The following TRHDE variants were observed in gnomAD, a reference collection of about 807,000 sequenced individuals.
The protein encoded by TRHDE is thyrotropin-releasing hormone-degrading ectoenzyme.
TRHDE carries 72 observed loss-of-function variants against 125.7 expected under a neutral mutation model. The observed-to-expected ratio is 0.57, with a 90% CI of 0.47 to 0.70. The LOEUF (loss-of-function observed/expected upper bound fraction) is 0.70. Among genes scored for constraint, TRHDE ranks in the 30% least tolerant of loss-of-function variants. TRHDE has a pLI of 0.00. For synonymous variants in TRHDE, 509 were observed against 509.1 expected, an observed-to-expected ratio of 1.00 and a Z score of 0.00; for missense variants, 1,110 against 1,327.1, an observed-to-expected ratio of 0.84 and a Z score of 2.54.
chr12:72,474,072 A>G (rs991938373), intron 5 of TRHDE, among the ~76,000 whole-genome samples: 10 of 152,108 alleles, frequency 6.6e-5, no homozygotes, highest in South Asian at 2.1e-4. Flanking sequence ...ATATATACAC[A>G]TACATATATG....
At chr12:72,364,416 T>C (rs780787975) in intron 2 of TRHDE, among the ~76,000 whole-genome samples, 3 of 152,076 alleles carry the variant, frequency 2.0e-5, no homozygotes, top group South Asian at 2.1e-4. Context: ...TGAAAACTTA[T>C]TATTTAACAT....
chr12:72,100,243 G>C (rs1051004701), intron 1 of TRHDE, among the ~76,000 whole-genome samples: 1 of 152,004 alleles, frequency 6.6e-6, no homozygotes, highest in Non-Finnish European at 1.5e-5. Context: ...CTTTTTATGA[G>C]GATTAAATGA....
At chr12:72,381,513 A>C (rs1000411994) in intron 3 of TRHDE, among the ~76,000 whole-genome samples, 20 of 148,416 alleles carry the variant, frequency 1.3e-4, no homozygotes, top group African/African-American at 5.0e-4. Flanking sequence ...CTCCTGCCTC[A>C]GCCTCCCAAG....
At chr12:72,214,296 A>G (rs146949730) in intron 2 of TRHDE, among the ~76,000 whole-genome samples, 7 of 152,312 alleles carry the variant, frequency 4.6e-5, no homozygotes, top group African/African-American at 1.2e-4. Context: ...CTATTCCAGG[A>G]TAATTTGACT....
rs55800660 is a variant in TRHDE at position 72,371,335 on chromosome 12, A to G, written c.1189-6660A>G. Among the ~76,000 whole-genome samples the G allele has an allele frequency of 8.0e-3, 1,200 of 150,790 alleles. 24 individuals carry two copies. The highest frequency in any genetic ancestry group is 0.028 in the African/African-American group (1,128 of 40,902). On this transcript the variant is annotated intron_variant, in intron 2 of 18. Coordinates refer to ENST00000261180, the MANE Select transcript of TRHDE (RefSeq NM_013381.3). Reference sequence around the variant, plus strand: ...CAAAGTTGTATCTAGTAGGCATTTGAGAGGCAAACTGAACAAAATATTTCG... The same window carrying G: ...CAAAGTTGTATCTAGTAGGCATTTGGGAGGCAAACTGAACAAAATATTTCG...
chr12:72,596,997 T>C (rs1871968708), intron 12 of TRHDE, among the ~76,000 whole-genome samples: 2 of 152,324 alleles, frequency 1.3e-5, no homozygotes, highest in South Asian at 4.1e-4. Context: ...ATATACAAAT[T>C]GTGGCTATAC....
chr12:72,117,232 T>C (rs1481319036), intron 2 of TRHDE, among the ~76,000 whole-genome samples: 1 of 152,180 alleles, frequency 6.6e-6, no homozygotes, highest in Non-Finnish European at 1.5e-5. Flanking sequence ...AGGTTTTTAA[T>C]CCATTTTGAT....
intron 2 of TRHDE, among the ~76,000 whole-genome samples, chr12:72,217,165 A>G (rs755397347): frequency 6.6e-6 from 1 of 152,194 alleles, no homozygotes; most frequent in African/African-American, 2.4e-5. Flanking sequence ...AAATGAAGGT[A>G]TAGGAACAGG....
rs572094533 is a variant in TRHDE at position 72,570,578 on chromosome 12, C to CAAAA, written c.2131+1946_2131+1949dup. Among the ~76,000 whole-genome samples the CAAAA allele has an allele frequency of 2.6e-4, 15 of 58,458 alleles. 1 individual carries two copies. The highest frequency in any genetic ancestry group is 8.0e-4 in the South Asian group (1 of 1,246). The allele number at this position is 58,458 out of a possible 152,430, so 38.4% of individuals were successfully genotyped here. ...CCTGAGTGAGAGAGAGAGACTGTCTCAAAAAAAAAAAAAAAAAAAAAAAAA... is the reference window on the plus strand; with the variant it reads ...CCTGAGTGAGAGAGAGAGACTGTCTCAAAAAAAAAAAAAAAAAAAAAAAAAAAAA... On this transcript the variant is annotated intron_variant, in intron 10 of 18. Coordinates refer to ENST00000261180, the MANE Select transcript of TRHDE (RefSeq NM_013381.3).
chr12:72,397,291 CT>C (rs1186061738), intron 3 of TRHDE, among the ~76,000 whole-genome samples: 1 of 152,190 alleles, frequency 6.6e-6, no homozygotes, highest in African/African-American at 2.4e-5. Context: ...CACATTTTCG[CT>C]GCTATTCCAA....
intron 9 of TRHDE, among the ~76,000 whole-genome samples, chr12:72,564,736 C>T (rs1870356934): frequency 7.9e-6 from 1 of 126,950 alleles, no homozygotes; most frequent in Admixed American, 9.9e-5. Flanking sequence ...GACGCGATCT[C>T]GGCTCACTGC....
At chr12:72,226,609 T>G (rs1366352988) in intron 2 of TRHDE, among the ~76,000 whole-genome samples, 1 of 152,212 alleles carries the variant, frequency 6.6e-6, no homozygotes, top group Non-Finnish European at 1.5e-5. Context: ...GCCTCATTGC[T>G]GATTTGTGAA....
intron 3 of TRHDE, among the ~76,000 whole-genome samples, chr12:72,467,810 A>G (rs1876456400): frequency 2.0e-5 from 3 of 152,214 alleles, no homozygotes; most frequent in East Asian, 1.9e-4. Flanking sequence ...GCGAGACTCC[A>G]TCTCAAACAA....
At chr12:72,153,032 T>G (rs1258425301) in intron 2 of TRHDE, among the ~76,000 whole-genome samples, 1 of 152,118 alleles carries the variant, frequency 6.6e-6, no homozygotes, top group Admixed American at 6.5e-5. Flanking sequence ...GTCCTGGACT[T>G]TTTTTGGTTG....
At chr12:72,396,163 A>G (rs1872780949) in intron 3 of TRHDE, among the ~76,000 whole-genome samples, 1 of 152,206 alleles carries the variant, frequency 6.6e-6, no homozygotes, top group African/African-American at 2.4e-5. Flanking sequence ...CAACTAAATT[A>G]TCTTTAAACA....
At chr12:72,225,665 T>C (rs1043637033) in intron 2 of TRHDE, among the ~76,000 whole-genome samples, 15 of 152,204 alleles carry the variant, frequency 9.9e-5, no homozygotes, top group African/African-American at 3.6e-4. Context: ...TTTCCTTCTG[T>C]TTATAATCAC....
At chr12:72,543,883 A>C (rs1465793432) in intron 7 of TRHDE, among the ~76,000 whole-genome samples, 5 of 150,002 alleles carry the variant, frequency 3.3e-5, no homozygotes, top group Non-Finnish European at 3.0e-5. Flanking sequence ...AAAATATATC[A>C]ATTTTTAATA....
chr12:72,480,832 T>A (rs1307660247), intron 5 of TRHDE, among the ~76,000 whole-genome samples: 2 of 152,128 alleles, frequency 1.3e-5, no homozygotes, highest in Non-Finnish European at 2.9e-5. Context: ...AAAAAATTGA[T>A]AATGCCAAAA....
intron 2 of TRHDE, among the ~76,000 whole-genome samples, chr12:72,344,639 A>G (rs1870231225): frequency 6.6e-6 from 1 of 152,116 alleles, no homozygotes; most frequent in African/African-American, 2.4e-5. Context: ...GAGAATTCCA[A>G]TAGTCTGGTG....
Sources: allele counts gnomAD v4.1 joint callset (sites outside exome capture counted in the v4.1 genomes callset), GRCh38; gene constraint gnomAD v4.1.1; transcripts MANE v1.5; gene names NCBI Gene and HGNC (gene_info 2026-07-23, HGNC 2026-07-21).